Variants in DYNAP observed in about 807,000 individuals in gnomAD.
The protein encoded by DYNAP is dynactin associated protein.
In DYNAP, 7 loss-of-function variants were observed where a neutral mutation model predicts 8.5. That is an observed-to-expected ratio of 0.82 (90% CI 0.47 to 1.54). The LOEUF (loss-of-function observed/expected upper bound fraction) is 1.54, where lower values mean the gene tolerates loss of function less well. DYNAP is among the 40% of genes most tolerant of loss of function. The probability of loss-of-function intolerance (pLI) is 0.01; values close to 1 mark genes in which losing one functional copy is unlikely to be tolerated. For synonymous variants in DYNAP, 77 were observed against 77.9 expected (o/e 0.99, Z 0.06); for missense variants, 256 against 224.3 (o/e 1.14, Z -0.90).
At chr18:54,583,153 G>A (rs1910774437), upstream of DYNAP, among the ~76,000 whole-genome samples, 1 of 152,138 alleles carries the variant, frequency 6.6e-6, no homozygotes, top group African/African-American at 2.4e-5. Context: ...GTTATCAGAT[G>A]CTGAATATAG....
Position 54,598,054 on chromosome 18 carries a change from C to T in DYNAP, c.464C>T (p.Ala155Val). The T allele has an allele frequency of 1.2e-6, 2 of 1,612,914 alleles. No individual in the cohort carries two copies. The highest frequency in any genetic ancestry group is 1.7e-6 in the Non-Finnish European group (2 of 1,179,428). The change falls in exon 3 of 3, where the codon GCA becomes GTA. Residue 155 changes from alanine to valine, a missense_variant. Transcript: ENST00000648945. ...ATGACCACCACTTCAACTGTACCTG[C>T]AAGTACAGCCACTGAATCTACAACT... Reference protein sequence around the residue: ...PTMTTTSTVPASTATESTTST... With the variant: ...PTMTTTSTVPVSTATESTTST...
At chr18:54,577,830 G>A in the DYNAP span, among the ~76,000 whole-genome samples, 19 of 151,916 alleles carry the variant, frequency 1.3e-4, no homozygotes, top group African/African-American at 4.4e-4. Flanking sequence ...AGCCGGGCAC[G>A]GTGGCAGGTG....
At chr18:54,589,931 T>C (rs767642927), upstream of DYNAP, among the ~76,000 whole-genome samples, 25 of 152,192 alleles carry the variant, frequency 1.6e-4, no homozygotes, top group Non-Finnish European at 1.0e-4. Flanking sequence ...TTGTACCCCA[T>C]GGCTGTTTGC....
At chr18:54,577,707 C>T in the DYNAP span, among the ~76,000 whole-genome samples, 2 of 150,566 alleles carry the variant, frequency 1.3e-5, no homozygotes, top group South Asian at 4.2e-4. Flanking sequence ...CAAGGGATCA[C>T]GCCTGTAACC....
chr18:54,598,339 A>G lies in DYNAP; in HGVS notation c.*194A>G, dbSNP rs1009065812. On this transcript the variant is annotated 3_prime_UTR_variant, in exon 3 of 3. Transcript: ENST00000648945. ...CTTAAACTTACTTGACAACTCAAAT[A>G]ATCACCACTTCGACCATCTCTTTGA... 6.9e-6 allele frequency: 4 copies of G among 577,460 alleles called. No homozygotes were observed. The highest frequency in any genetic ancestry group is 3.7e-5 in the African/African-American group (2 of 53,830). 35.8% of individuals were successfully genotyped at this position (577,460 alleles called of 1,614,324 possible).
upstream of DYNAP, among the ~76,000 whole-genome samples, chr18:54,585,954 T>G (rs1028791881): frequency 6.6e-6 from 1 of 152,184 alleles, no homozygotes; most frequent in East Asian, 1.9e-4. Flanking sequence ...ACTGCAGCCC[T>G]GAACAGGGCT....
chr18:54,577,200 A>G, the DYNAP span, among the ~76,000 whole-genome samples: 40 of 152,200 alleles, frequency 2.6e-4, 1 homozygote, highest in Non-Finnish European at 5.4e-4. Flanking sequence ...TGCATTAAAA[A>G]TCTCCAAGAT....
chr18:54,595,097 C>G lies in DYNAP; in HGVS notation c.216C>G (p.Asn72Lys). 6.2e-7 allele frequency: 1 copy of G among 1,611,212 alleles called. No individual in the cohort carries two copies. The highest frequency in any genetic ancestry group is 8.5e-7 in the Non-Finnish European group (1 of 1,178,260). ...HSRCLQSESC[N>K]TQVKEYCRND... is the part of the protein sequence containing the mutation. ...GATGTCTACAGTCAGAATCCTGTAACACACAGGTAATGTGTAGCACGGGAG... is the reference window on the plus strand; with the variant it reads ...GATGTCTACAGTCAGAATCCTGTAAGACACAGGTAATGTGTAGCACGGGAG... Residue 72 changes from asparagine to lysine, a missense_variant, in exon 2 of 3, where the codon AAC becomes AAG. Physicochemically the swap from Asn to Lys is moderately conservative, Grantham distance 94. Transcript: ENST00000648945.
the DYNAP span, among the ~76,000 whole-genome samples, chr18:54,582,071 G>T: frequency 6.6e-6 from 1 of 152,176 alleles, no homozygotes; most frequent in Admixed American, 6.5e-5. Flanking sequence ...AGGATCACGA[G>T]GTCAAGAGAT....
upstream of DYNAP, among the ~76,000 whole-genome samples, chr18:54,584,890 A>G (rs1241452229): frequency 6.6e-6 from 1 of 152,208 alleles, no homozygotes; most frequent in Non-Finnish European, 1.5e-5. Flanking sequence ...TGTGTAAAAT[A>G]GTGCAGGATG....
chr18:54,580,918 C>T, the DYNAP span, among the ~76,000 whole-genome samples: 1 of 151,532 alleles, frequency 6.6e-6, no homozygotes, highest in Non-Finnish European at 1.5e-5. Context: ...TGTAATTTTC[C>T]TAGAAAAAAA....
rs1276713318 is a variant in DYNAP at position 54,598,790 on chromosome 18, T to C, written c.*645T>C. ...TCCCCTTTGTTTTCCTTCCTTTCTT[T>C]CCAGATCCAGGAGATAATCAACTAA... On this transcript the variant is annotated 3_prime_UTR_variant, in exon 3 of 3. Transcript: ENST00000648945. 1 of 152,212 alleles carries C rather than the reference T, an allele frequency of 6.6e-6. No homozygotes were observed. The highest frequency in any genetic ancestry group is 1.5e-5 in the Non-Finnish European group (1 of 68,064). 9.4% of individuals were successfully genotyped at this position (152,212 alleles called of 1,614,324 possible).
chr18:54,577,318 G>C, the DYNAP span, among the ~76,000 whole-genome samples: 1 of 152,112 alleles, frequency 6.6e-6, no homozygotes, highest in Non-Finnish European at 1.5e-5. Flanking sequence ...CAGGCGTGGT[G>C]GCTCACACCT....
chr18:54,583,016 C>T (rs1345463811), upstream of DYNAP, among the ~76,000 whole-genome samples: 1 of 152,140 alleles, frequency 6.6e-6, no homozygotes, highest in Non-Finnish European at 1.5e-5. Context: ...TCATCCTATA[C>T]CAAGTCAGAT....
At chr18:54,577,602 C>T in the DYNAP span, among the ~76,000 whole-genome samples, 1 of 66,298 alleles carries the variant, frequency 1.5e-5, no homozygotes, top group Non-Finnish European at 3.5e-5. Flanking sequence ...AATCTTGTTT[C>T]AAAAAAAAAA....
chr18:54,576,567 G>A, the DYNAP span, among the ~76,000 whole-genome samples: 2 of 152,038 alleles, frequency 1.3e-5, no homozygotes, highest in Non-Finnish European at 2.9e-5. Context: ...GGAAGGCTGA[G>A]GTGGGAGGAT....
chr18:54,590,953 G>T (rs1369848987), upstream of DYNAP, among the ~76,000 whole-genome samples: 3 of 152,146 alleles, frequency 2.0e-5, no homozygotes, highest in Non-Finnish European at 4.4e-5. Context: ...TCTGGGGTCG[G>T]TCCTAAAATA....
the DYNAP span, among the ~76,000 whole-genome samples, chr18:54,581,796 A>G: frequency 1.3e-5 from 2 of 152,176 alleles, no homozygotes; most frequent in Admixed American, 1.3e-4. Context: ...TTCAAGCAAA[A>G]ATTGAAAAAA....
chr18:54,576,198 T>C, the DYNAP span, among the ~76,000 whole-genome samples: 1 of 152,186 alleles, frequency 6.6e-6, no homozygotes, highest in East Asian at 1.9e-4. Flanking sequence ...AATAAAGGTG[T>C]CTAAATATTT....
Sources: allele counts gnomAD v4.1 joint callset (sites outside exome capture counted in the v4.1 genomes callset), GRCh38; gene constraint gnomAD v4.1.1; transcripts MANE v1.5; gene names NCBI Gene and HGNC (gene_info 2026-07-23, HGNC 2026-07-21).